The following CACNA1A variants were observed in gnomAD, a reference collection of about 807,000 sequenced individuals.
The protein encoded by CACNA1A is voltage-dependent P/Q-type calcium channel subunit alpha-1A.
CACNA1A carries 57 observed loss-of-function variants against 262.4 expected under a neutral mutation model. The ratio of observed to expected loss-of-function variants is 0.22; its 90% CI spans 0.18 to 0.27. CACNA1A has a LOEUF of 0.27. CACNA1A is among the 10% of genes least tolerant of loss of function. CACNA1A has a pLI of 1.00. For missense variants in CACNA1A, 2,526 were observed against 3,562.8 expected, an observed-to-expected ratio of 0.71 and a Z score of 7.41; for synonymous variants, 1,431 against 1,419.3, an observed-to-expected ratio of 1.01 and a Z score of -0.18.
chr19:13,250,448 G>T (rs574345402), intron 30 of CACNA1A, among the ~76,000 whole-genome samples: 10 of 151,982 alleles, frequency 6.6e-5, no homozygotes, highest in Admixed American at 2.6e-4. Context: ...CCAGGCTGGA[G>T]TGCAGTGGCA....
chr19:13,468,680 A>C (rs1194119809), intron 1 of CACNA1A, among the ~76,000 whole-genome samples: 1 of 152,164 alleles, frequency 6.6e-6, no homozygotes, highest in Non-Finnish European at 1.5e-5. Flanking sequence ...CCAGCTACTT[A>C]GGAGGCTGAG....
chr19:13,496,919 A>G (rs1474843924), intron 1 of CACNA1A, among the ~76,000 whole-genome samples: 1 of 152,178 alleles, frequency 6.6e-6, no homozygotes, highest in Non-Finnish European at 1.5e-5. Context: ...TAGGATCCCC[A>G]TGGAGCTATT....
At chr19:13,326,445 G>A (rs2058365052) in intron 10 of CACNA1A, among the ~76,000 whole-genome samples, 1 of 152,020 alleles carries the variant, frequency 6.6e-6, no homozygotes, top group South Asian at 2.1e-4. Flanking sequence ...GCTTTATAGT[G>A]CGTTTATCAA....
chr19:13,225,116 G>T (rs539647658), intron 37 of CACNA1A: 1 of 242,438 alleles, frequency 4.1e-6, no homozygotes, highest in East Asian at 9.8e-5. Flanking sequence ...TGACCCCAAA[G>T]AAAAAGAGCA....
chr19:13,360,320 C>CG (rs1311256468), intron 5 of CACNA1A, among the ~76,000 whole-genome samples: 7 of 145,330 alleles, frequency 4.8e-5, no homozygotes, highest in Admixed American at 6.9e-5. Context: ...AGGGAGAGAA[C>CG]GGGGGGAGAG....
chr19:13,439,938 C>T (rs986265654), intron 3 of CACNA1A, among the ~76,000 whole-genome samples: 4 of 152,048 alleles, frequency 2.6e-5, no homozygotes, highest in Non-Finnish European at 5.9e-5. Context: ...GGTAGGAAAA[C>T]GTGACTGGTT....
At chr19:13,460,558 T>C (rs2061102376) in intron 1 of CACNA1A, among the ~76,000 whole-genome samples, 1 of 152,136 alleles carries the variant, frequency 6.6e-6, no homozygotes, top group Non-Finnish European at 1.5e-5. Context: ...AGCCTTCCCA[T>C]GGATCCCATC....
chr19:13,339,565 G>A (rs906924626), intron 6 of CACNA1A, among the ~76,000 whole-genome samples: 7 of 151,508 alleles, frequency 4.6e-5, no homozygotes, highest in African/African-American at 1.7e-4. Context: ...AGAAGGAGGA[G>A]CTTGAATGTT....
chr19:13,402,895 T>C (rs74695264), intron 3 of CACNA1A, among the ~76,000 whole-genome samples: 8,333 of 130,204 alleles, frequency 0.064, 585 homozygotes, highest in East Asian at 0.27. Flanking sequence ...TATATATATA[T>C]ATATATATAT....
chr19:13,335,582 T>A (rs887142117), intron 7 of CACNA1A, among the ~76,000 whole-genome samples: 1 of 151,966 alleles, frequency 6.6e-6, no homozygotes, highest in Admixed American at 6.6e-5. Flanking sequence ...TTAAAAAAAA[T>A]GTAAAGAAAG....
intron 11 of CACNA1A, chr19:13,316,080 C>G (rs1305267416): frequency 2.0e-5 from 3 of 152,234 alleles, no homozygotes; most frequent in Non-Finnish European, 1.5e-5. Context: ...GCCTCAGCCT[C>G]CTGAGTAGCT....
chr19:13,475,466 C>A (rs10415333), intron 1 of CACNA1A, among the ~76,000 whole-genome samples: 3 of 152,186 alleles, frequency 2.0e-5, no homozygotes, highest in African/African-American at 7.2e-5. Context: ...GAAGGACTCA[C>A]GTCACTTCCC....
intron 2 of CACNA1A, among the ~76,000 whole-genome samples, chr19:13,453,467 T>C (rs2144938994): frequency 6.6e-6 from 1 of 152,324 alleles, no homozygotes; most frequent in South Asian, 2.1e-4. Context: ...TGGAAAGCAT[T>C]GGTTTAGAGA....
intron 10 of CACNA1A, among the ~76,000 whole-genome samples, chr19:13,318,824 G>C (rs1192185374): frequency 6.6e-6 from 1 of 151,836 alleles, no homozygotes; most frequent in African/African-American, 2.4e-5. Context: ...CCACTGAATG[G>C]GCACAGGTTT....
rs529590055 is a variant in CACNA1A at position 13,355,167 on chromosome 19, TGCCCGG to T, written c.978+4433_978+4438del. Among the ~76,000 whole-genome samples, 985 of 152,252 alleles carry T rather than the reference TGCCCGG, an allele frequency of 6.5e-3. 12 individuals are homozygous for T. The highest frequency in any genetic ancestry group is 8.2e-3 in the Non-Finnish European group (557 of 68,014). On this transcript the variant is annotated intron_variant, in intron 6 of 46. Coordinates refer to ENST00000360228, the MANE Select transcript of CACNA1A (RefSeq NM_001127222.2). ...CTGGGATTACAGGCGTGAGCCACTG[TGCCCGG>T]GCTGGGAGGATGCTATTAGATGACA...
intron 3 of CACNA1A, chr19:13,450,935 G>C (rs962239657): frequency 6.6e-6 from 1 of 152,162 alleles, no homozygotes; most frequent in Non-Finnish European, 1.5e-5. Context: ...AATGTGCTGG[G>C]ATACAGGCAT....
intron 6 of CACNA1A, among the ~76,000 whole-genome samples, chr19:13,340,431 T>A (rs2058658669): frequency 6.7e-6 from 1 of 149,516 alleles, no homozygotes; most frequent in Non-Finnish European, 1.5e-5. Context: ...TCTATTTTTT[T>A]TTTTTTTTTT....
At chr19:13,465,652 T>C (rs1163410907) in intron 1 of CACNA1A, among the ~76,000 whole-genome samples, 17 of 152,028 alleles carry the variant, frequency 1.1e-4, no homozygotes, top group Admixed American at 1.1e-3. Context: ...ACCTGGCTAG[T>C]TTTTTGTAAA....
intron 3 of CACNA1A, among the ~76,000 whole-genome samples, chr19:13,427,226 C>T (rs950230741): frequency 2.6e-5 from 4 of 151,894 alleles, no homozygotes; most frequent in Middle Eastern, 3.4e-3. Flanking sequence ...CCGAGATGGG[C>T]GGATCACCTG....
Sources: allele counts gnomAD v4.1 joint callset (sites outside exome capture counted in the v4.1 genomes callset), GRCh38; gene constraint gnomAD v4.1.1; transcripts MANE v1.5; gene names NCBI Gene and HGNC (gene_info 2026-07-23, HGNC 2026-07-21).